Variants in MTA3 observed in about 807,000 individuals in gnomAD.
MTA3 encodes metastasis associated 1 family member 3.
MTA3 carries 34 observed loss-of-function variants against 83.5 expected under a neutral mutation model. That is an observed-to-expected ratio of 0.41 (90% CI 0.31 to 0.54). The LOEUF is 0.54. Ranked by LOEUF, MTA3 falls within the 20% of genes least tolerant of loss-of-function variation. The pLI, the probability that MTA3 is intolerant of heterozygous loss-of-function variation, is 0.33. For synonymous variants in MTA3, 303 were observed against 252.7 expected, an observed-to-expected ratio of 1.20 and a Z score of -1.89; for missense variants, 761 against 726.4, an observed-to-expected ratio of 1.05 and a Z score of -0.55.
chr2:42,592,029 T>A (rs1681067547), intron 3 of MTA3, among the ~76,000 whole-genome samples: 1 of 151,490 alleles, frequency 6.6e-6, no homozygotes. Flanking sequence ...TTTGGGGGGC[T>A]GAGGCTGGCA....
At position 42,729,086 on chromosome 2, in the gene MTA3, GTTTTTTTT is replaced by G. The variant is rs1216600680; in HGVS notation, c.1759+6071_1759+6078del. ...TTCTTTTATTAGTTTCACAGTTTGA[GTTTTTTTT>G]TTTTTTTTTTTTTTTTTTTCACAGA... On this transcript the variant is annotated intron_variant, in intron 16 of 16. Coordinates refer to ENST00000405094, the MANE Select transcript of MTA3 (RefSeq NM_001330442.2). 4.0e-4 allele frequency among the ~76,000 whole-genome samples: 24 copies of G among 60,130 alleles called. 2 individuals are homozygous for G. Among genetic ancestry groups the G allele is most frequent in the Non-Finnish European group, 3.2e-4 (11 of 33,856 alleles). 39.4% of individuals were successfully genotyped at this position (60,130 alleles called of 152,430 possible). A position where few individuals can be genotyped will look rare whatever the true frequency, so the allele number is the denominator to read the frequency against.
Position 42,514,682 on chromosome 2 carries a change from C to CTTTTTTTTTTTT in MTA3, c.-141+19442_-141+19453dup, listed in dbSNP as rs767598363. Among the ~76,000 whole-genome samples, 22 of 53,486 alleles carry CTTTTTTTTTTTT rather than the reference C, an allele frequency of 4.1e-4. 5 individuals are homozygous for CTTTTTTTTTTTT. The highest frequency in any genetic ancestry group is 8.5e-4 in the African/African-American group (10 of 11,832). 35.1% of individuals were successfully genotyped at this position (53,486 alleles called of 152,430 possible). On this transcript the variant is annotated intron_variant, in intron 2 of 17. Coordinates refer to the MTA3 transcript ENST00000405592. The stretch of plus-strand genomic sequence containing the variant: ...GATTACAGGCATGAGCGCCCAGCCC[C>CTTTTTTTTTTTT]TTTTTTTTTTTTTTTTTTTTTTTTT...
intron 4 of MTA3, among the ~76,000 whole-genome samples, chr2:42,617,547 C>T (rs1049794325): frequency 1.3e-5 from 2 of 152,004 alleles, no homozygotes; most frequent in Non-Finnish European, 2.9e-5. Context: ...CATGGTGGCT[C>T]AAACGTGTAA....
Position 42,617,249 on chromosome 2 carries a change from C to G in MTA3, c.317+7665C>G, listed in dbSNP as rs536126142. On this transcript the variant is annotated intron_variant, in intron 4 of 16. Transcript: ENST00000405094. ...ATAACCAGAAAGATCAGTCAAATTG[C>G]AATGTGTACATACCCTTTGAGCCAG... is the stretch of plus-strand genomic sequence containing the variant. 5.0e-4 allele frequency among the ~76,000 whole-genome samples: 76 copies of G among 152,260 alleles called. No individual in the cohort carries two copies. The Middle Eastern group carries it at 0.01, about 20-fold the overall frequency.
At position 42,607,087 on chromosome 2, in the gene MTA3, GGGGTA is replaced by G. The variant is rs1411512452; in HGVS notation, c.191-2367_191-2363del. On this transcript the variant is annotated intron_variant, in intron 3 of 16. Transcript: ENST00000405094. ...AGAGGTAGGGGTAGGGGTAGGGGTAGGGGTAGGGGTAGAGGTAGAGGTAGAGGTAG... is the reference window on the plus strand; with the variant it reads ...AGAGGTAGGGGTAGGGGTAGGGGTAGGGGGTAGAGGTAGAGGTAGAGGTAG... Among the ~76,000 whole-genome samples the G allele has an allele frequency of 5.2e-5, 7 of 134,202 alleles. No individual in the cohort carries two copies. The East Asian group carries it at 1.5e-3, about 28-fold the overall frequency. The allele number at this position is 134,202 out of a possible 152,430, so 88.0% of individuals were successfully genotyped here.
intron 3 of MTA3, among the ~76,000 whole-genome samples, chr2:42,608,883 C>T (rs867864921): frequency 3.3e-5 from 5 of 150,982 alleles, no homozygotes; most frequent in South Asian, 4.2e-4. Context: ...ACTCTATCTC[C>T]GAAAAAAAAG....
intron 7 of MTA3, among the ~76,000 whole-genome samples, chr2:42,658,173 G>A (rs1051266970): frequency 1.4e-5 from 2 of 141,868 alleles, no homozygotes; most frequent in Non-Finnish European, 3.1e-5. Context: ...AAATTTTAAA[G>A]ACTGACAGTG....
At chr2:42,676,025 C>G (rs1224016045) in intron 8 of MTA3, among the ~76,000 whole-genome samples, 1 of 152,196 alleles carries the variant, frequency 6.6e-6, no homozygotes, top group African/African-American at 2.4e-5. Flanking sequence ...ACTTTCTACA[C>G]ATTCTGAGCT....
chr2:42,581,171 A>G (rs1391288434), intron 3 of MTA3, among the ~76,000 whole-genome samples: 1 of 152,154 alleles, frequency 6.6e-6, no homozygotes, highest in African/African-American at 2.4e-5. Context: ...AAAAGTGTTC[A>G]TTATGATATG....
chr2:42,697,951 C>G, intron 11 of MTA3, 117 bp downstream of exon 11: 1 of 631,414 alleles, frequency 1.6e-6, no homozygotes, highest in South Asian at 2.4e-5. Flanking sequence ...TCTTCTTCTA[C>G]AAAGCATGAG....
At chr2:42,602,919 T>G (rs1319186187) in intron 3 of MTA3, among the ~76,000 whole-genome samples, 1 of 152,168 alleles carries the variant, frequency 6.6e-6, no homozygotes. Context: ...CTCTGCTGGC[T>G]CATCAAGCTA....
At chr2:42,657,603 T>G (rs1016829475) in intron 7 of MTA3, among the ~76,000 whole-genome samples, 1 of 152,120 alleles carries the variant, frequency 6.6e-6, no homozygotes, top group African/African-American at 2.4e-5. Context: ...TGGTTCCTAG[T>G]ATGTTTTTGT....
intron 2 of MTA3, among the ~76,000 whole-genome samples, chr2:42,551,186 T>TTTTG (rs1171461167): frequency 5.9e-5 from 9 of 151,896 alleles, no homozygotes; most frequent in African/African-American, 1.9e-4. Flanking sequence ...TCTTTTTTTT[T>TTTTG]TTTGTTTGTT....
intron 3 of MTA3, among the ~76,000 whole-genome samples, chr2:42,580,025 C>G (rs1051200587): frequency 5.9e-5 from 9 of 152,174 alleles, no homozygotes; most frequent in African/African-American, 2.2e-4. Context: ...CTCACTGCAG[C>G]CTCGATGTCC....
chr2:42,667,580 G>GTGTGTGTT (rs1690358639), intron 8 of MTA3, among the ~76,000 whole-genome samples: 2 of 127,296 alleles, frequency 1.6e-5, no homozygotes, highest in African/African-American at 6.1e-5. Flanking sequence ...TTGTGTGTGT[G>GTGTGTGTT]TGTGTGTGTG....
At chr2:42,580,321 G>A (rs1679476545) in intron 3 of MTA3, among the ~76,000 whole-genome samples, 1 of 151,796 alleles carries the variant, frequency 6.6e-6, no homozygotes. Flanking sequence ...GGGTACCTGT[G>A]CAGGATGTGC....
intron 4 of MTA3, among the ~76,000 whole-genome samples, chr2:42,623,959 C>G (rs1685832599): frequency 6.6e-6 from 1 of 152,080 alleles, no homozygotes; most frequent in Non-Finnish European, 1.5e-5. Context: ...TGTGATCCAC[C>G]CACCTCGGCC....
At position 42,756,752 on chromosome 2, in the gene MTA3, C is replaced by T. The variant is rs1670265452; in HGVS notation, c.*3353C>T. The T allele has an allele frequency of 1.0e-6, 1 of 985,482 alleles. No individual in the cohort carries two copies. The highest frequency in any genetic ancestry group is 1.2e-6 in the Non-Finnish European group (1 of 829,958). 61.0% of individuals were successfully genotyped at this position (985,482 alleles called of 1,614,324 possible). A position where few individuals can be genotyped will look rare whatever the true frequency, so the allele number is the denominator to read the frequency against. On this transcript the variant is annotated 3_prime_UTR_variant, in exon 17 of 17. Transcript: ENST00000405094. ...CCATGTCCCAGTTTTCTGTCCACCC[C>T]TCCTGTTCCTCTGCACTATGTCTCT...
intron 2 of MTA3, among the ~76,000 whole-genome samples, chr2:42,545,822 G>A (rs184567085): frequency 3.3e-3 from 499 of 152,290 alleles, no homozygotes; most frequent in Middle Eastern, 0.014. Context: ...TTCAGGTTAA[G>A]ATTCCTGATT....
Sources: allele counts gnomAD v4.1 joint callset (sites outside exome capture counted in the v4.1 genomes callset), GRCh38; gene constraint gnomAD v4.1.1; transcripts MANE v1.5; gene names NCBI Gene and HGNC (gene_info 2026-07-23, HGNC 2026-07-21).